SEMA4F: variants seen among roughly 807,000 people sequenced by gnomAD.
The protein encoded by SEMA4F is ssemaphorin 4F.
SEMA4F carries 51 observed loss-of-function variants against 78.4 expected under a neutral mutation model. That is an observed-to-expected ratio of 0.65 (90% CI 0.52 to 0.82). The LOEUF is 0.82. Among genes scored for constraint, SEMA4F ranks in the 40% least tolerant of loss-of-function variants. The probability of loss-of-function intolerance (pLI) is 0.00; values close to 1 mark genes in which losing one functional copy is unlikely to be tolerated. For missense variants in SEMA4F, 938 were observed against 1,014.4 expected, an observed-to-expected ratio of 0.92 and a Z score of 1.02; for synonymous variants, 418 against 408.7, an observed-to-expected ratio of 1.02 and a Z score of -0.27.
chr2:74,698,316 G>C, the SEMA4F span, among the ~76,000 whole-genome samples: 1 of 152,212 alleles, frequency 6.6e-6, no homozygotes, highest in Non-Finnish European at 1.5e-5. Context: ...AGGAAGCAGA[G>C]GTTGTAGGAG....
chr2:74,688,088 C>T (rs920277162), downstream of SEMA4F, among the ~76,000 whole-genome samples: 1 of 152,144 alleles, frequency 6.6e-6, no homozygotes, highest in Admixed American at 6.5e-5. Flanking sequence ...CATTGTCGGC[C>T]AGTGAAACTG....
At chr2:74,660,036 C>G (rs72909223) in intron 4 of SEMA4F, among the ~76,000 whole-genome samples, 2,749 of 152,178 alleles carry the variant, frequency 0.018, 78 homozygotes, top group African/African-American at 0.063. Flanking sequence ...TGTTAGACTT[C>G]TAACAACAAC....
chr2:74,689,730 C>T, the SEMA4F span, among the ~76,000 whole-genome samples: 9 of 152,194 alleles, frequency 5.9e-5, no homozygotes, highest in African/African-American at 2.2e-4. Flanking sequence ...CAGACAGGAG[C>T]TGGCCTGGCA....
At chr2:74,672,458 T>G (rs1487362564) in intron 5 of SEMA4F, among the ~76,000 whole-genome samples, 1 of 152,186 alleles carries the variant, frequency 6.6e-6, no homozygotes, top group African/African-American at 2.4e-5. Context: ...AGGGATTTAC[T>G]TAGCACCCGG....
the SEMA4F span, among the ~76,000 whole-genome samples, chr2:74,707,504 T>A: frequency 3.0e-4 from 45 of 150,938 alleles, no homozygotes; most frequent in South Asian, 8.3e-4. Flanking sequence ...TTTTTTTTTT[T>A]AAAAAGGTTA....
the SEMA4F span, among the ~76,000 whole-genome samples, chr2:74,703,863 G>A: frequency 1.3e-5 from 2 of 152,192 alleles, no homozygotes; most frequent in African/African-American, 2.4e-5. Flanking sequence ...CTTTCTTAAG[G>A]CTTTGGGTTT....
At chr2:74,670,520 G>A (rs1684930822) in intron 5 of SEMA4F, among the ~76,000 whole-genome samples, 1 of 152,188 alleles carries the variant, frequency 6.6e-6, no homozygotes, top group South Asian at 2.1e-4. Flanking sequence ...GAAGTTTTGT[G>A]ACCTCTATCT....
chr2:74,699,993 T>C, the SEMA4F span, among the ~76,000 whole-genome samples: 1 of 151,910 alleles, frequency 6.6e-6, no homozygotes, highest in Non-Finnish European at 1.5e-5. Context: ...CCCGAGCTTG[T>C]TTCAATGCTA....
intron 12 of SEMA4F, among the ~76,000 whole-genome samples, chr2:74,677,205 G>C (rs1008966689): frequency 3.3e-5 from 5 of 152,106 alleles, no homozygotes; most frequent in African/African-American, 1.2e-4. Context: ...CCCAGCCCAG[G>C]ACTCTTAAAA....
chr2:74,655,338 C>T (rs1684071593), intron 1 of SEMA4F: 2 of 391,316 alleles, frequency 5.1e-6, no homozygotes, highest in Non-Finnish European at 5.3e-6. Context: ...GGAGACGTCA[C>T]AAGGTTAAAA....
In SEMA4F at chr2:74,682,245, T is replaced by A. The variant is rs1470201206; in HGVS notation, c.*2036T>A. ...TTCTGGCTAACACGGTGAAACCCCGTCTCTACTAAAAATACAAAAAATTAG... is the reference window on the plus strand; with the variant it reads ...TTCTGGCTAACACGGTGAAACCCCGACTCTACTAAAAATACAAAAAATTAG... On this transcript the variant is annotated 3_prime_UTR_variant, in exon 14 of 14. Coordinates refer to ENST00000357877, the MANE Select transcript of SEMA4F (RefSeq NM_004263.5). 4 of 152,028 alleles carry A rather than the reference T, an allele frequency of 2.6e-5. No individual in the cohort carries two copies. Among genetic ancestry groups the A allele is most frequent in the African/African-American group, 9.7e-5 (4 of 41,374 alleles). 9.4% of individuals were successfully genotyped at this position (152,028 alleles called of 1,614,324 possible).
chr2:74,693,065 C>G, the SEMA4F span, among the ~76,000 whole-genome samples: 1 of 152,178 alleles, frequency 6.6e-6, no homozygotes, highest in Non-Finnish European at 1.5e-5. Context: ...TCCTTTCAGA[C>G]TTTTCTCTAT....
In SEMA4F at chr2:74,674,460, T is replaced by C. The variant is rs150299464; in HGVS notation, c.823-38T>C. The C allele has an allele frequency of 2.9e-5, 46 of 1,564,152 alleles. No individual in the cohort carries two copies. In the East Asian group the frequency reaches 9.9e-4, roughly 34 times the overall value. ...CTCCATGCTCCTTGCCCAATGATGA[T>C]CATCTAAAGAGAACCTCCCATGTGT... On this transcript the variant is annotated intron_variant, in intron 7 of 13. Coordinates refer to ENST00000357877, the MANE Select transcript of SEMA4F (RefSeq NM_004263.5).
At chr2:74,693,711 T>C in the SEMA4F span, among the ~76,000 whole-genome samples, 1 of 152,226 alleles carries the variant, frequency 6.6e-6, no homozygotes, top group Non-Finnish European at 1.5e-5. Flanking sequence ...AAAGGTAGCA[T>C]GCTTTATAAC....
the SEMA4F span, among the ~76,000 whole-genome samples, chr2:74,693,172 G>A: frequency 5.3e-5 from 8 of 152,154 alleles, no homozygotes; most frequent in East Asian, 1.5e-3. Context: ...CTATATCTTG[G>A]GTACTTTTCC....
rs746933702 is a variant in SEMA4F at position 74,675,609 on chromosome 2, C to T, written c.1457C>T (p.Pro486Leu). Residue 486 changes from proline (P) to leucine (L), a missense_variant, in exon 11 of 14, where the codon CCA (proline) becomes CTA (leucine). Pro to Leu is a moderately conservative substitution (Grantham distance 98, BLOSUM62 -3). Transcript: ENST00000357877. Reference protein sequence around the residue: ...EDLALFPEPQPVENMKLYHSW... With the variant: ...EDLALFPEPQLVENMKLYHSW... ...CTGGCCTTATTCCCAGAGCCACAGC[C>T]AGTTGAGAACATGAAATTGTACCAC... 2 of 1,614,020 alleles carry T rather than the reference C, an allele frequency of 1.2e-6. No homozygotes were observed. The highest frequency in any genetic ancestry group is 1.1e-5 in the South Asian group (1 of 91,080).
At chr2:74,679,062 G>A (rs1016200649) in intron 12 of SEMA4F, among the ~76,000 whole-genome samples, 7 of 152,164 alleles carry the variant, frequency 4.6e-5, no homozygotes, top group East Asian at 1.9e-4. Flanking sequence ...CTGCTAGAAA[G>A]ATGCATGGAA....
chr2:74,680,023 C>T lies in SEMA4F; in HGVS notation c.2127C>T (p.Thr709=). The T allele has an allele frequency of 6.2e-7, 1 of 1,614,194 alleles. No homozygotes were observed. The highest frequency in any genetic ancestry group is 8.5e-7 in the Non-Finnish European group (1 of 1,180,028). Reference sequence around the variant, plus strand: ...ACCTGGGGGCTCCACCTTCTGGGACCACAAGCTACAGCCAAGACCCTCCCT... The same window carrying T: ...ACCTGGGGGCTCCACCTTCTGGGACTACAAGCTACAGCCAAGACCCTCCCT... ...GLDLGAPPSG[T]TSYSQDPPSP... is the part of the protein sequence containing the mutation. Residue 709 remains threonine (T), a synonymous_variant, in exon 14 of 14, where the codon ACC becomes ACT. Coordinates refer to ENST00000357877, the MANE Select transcript of SEMA4F (RefSeq NM_004263.5).
In SEMA4F at chr2:74,657,465, C is replaced by T. The variant is rs557218772; in HGVS notation, c.298-100C>T. ...TGCTCTAGGGGGACTTTTGAAGTTC[C>T]CAAATTGATGGAGGTTATAGAACAG... On this transcript the variant is annotated intron_variant, in intron 2 of 13. Coordinates refer to ENST00000357877, the MANE Select transcript of SEMA4F (RefSeq NM_004263.5). 817 of 1,162,232 alleles carry T rather than the reference C, an allele frequency of 7.0e-4. 2 individuals carry two copies. The highest frequency in any genetic ancestry group is 9.3e-4 in the Non-Finnish European group (726 of 782,276). The allele number at this position is 1,162,232 out of a possible 1,614,324, so 72.0% of individuals were successfully genotyped here. A position where few individuals can be genotyped will look rare whatever the true frequency, so the allele number is the denominator to read the frequency against.
Sources: gnomAD v4.1 joint callset for allele counts (sites outside exome capture counted in the v4.1 genomes callset) on GRCh38, gnomAD v4.1.1 for gene constraint, MANE v1.5 for transcripts, NCBI Gene and HGNC (gene_info 2026-07-23, HGNC 2026-07-21) for gene names.